The following CADM2 variants were observed in gnomAD, a reference collection of about 807,000 sequenced individuals.
The protein encoded by CADM2 is cell adhesion molecule 2.
A neutral mutation model predicts 49.8 loss-of-function variants in CADM2; 12 were observed. The ratio of observed to expected loss-of-function variants is 0.24; its 90% confidence interval spans 0.15 to 0.39. CADM2 has a LOEUF of 0.39. CADM2 is among the 10% of genes least tolerant of loss of function. The probability of loss-of-function intolerance (pLI) is 1.00; values close to 1 mark genes in which losing one functional copy is unlikely to be tolerated. For missense variants in CADM2, 378 were observed against 492.3 expected, an observed-to-expected ratio of 0.77 and a Z score of 2.20; for synonymous variants, 214 against 175.4, an observed-to-expected ratio of 1.22 and a Z score of -1.74.
chr3:85,593,611 A>G (rs972336073), intron 1 of CADM2, among the ~76,000 whole-genome samples: 5 of 152,040 alleles, frequency 3.3e-5, no homozygotes, highest in African/African-American at 1.2e-4. Context: ...AATAAAAAGA[A>G]ACACATAAGA....
chr3:85,780,914 G>C (rs952880093), intron 2 of CADM2, among the ~76,000 whole-genome samples: 2 of 152,086 alleles, frequency 1.3e-5, no homozygotes, highest in Non-Finnish European at 1.5e-5. Flanking sequence ...TAAAGCAAGA[G>C]GGAATTGGAA....
chr3:85,267,590 A>G (rs1348570060), intron 1 of CADM2, among the ~76,000 whole-genome samples: 6 of 151,690 alleles, frequency 4.0e-5, no homozygotes, highest in African/African-American at 1.4e-4. Context: ...TTCACAAAAT[A>G]GAAAGTAAGT....
intron 3 of CADM2, among the ~76,000 whole-genome samples, chr3:85,822,092 T>C (rs982966653): frequency 1.3e-5 from 2 of 152,192 alleles, no homozygotes; most frequent in African/African-American, 4.8e-5. Context: ...ACATGCTTGG[T>C]TGTGGCTTAT....
At chr3:84,993,666 A>G (rs531043397) in intron 1 of CADM2, among the ~76,000 whole-genome samples, 4 of 152,146 alleles carry the variant, frequency 2.6e-5, no homozygotes, top group Non-Finnish European at 5.9e-5. Flanking sequence ...GCAGAAACAC[A>G]CTGACTGATA....
chr3:85,463,649 T>C (rs2038356506), intron 1 of CADM2, among the ~76,000 whole-genome samples: 1 of 152,174 alleles, frequency 6.6e-6, no homozygotes, highest in Non-Finnish European at 1.5e-5. Flanking sequence ...TGTTCAACCC[T>C]GAAGGCTGAA....
chr3:85,996,443 G>T (rs1446246217), intron 8 of CADM2, among the ~76,000 whole-genome samples: 2 of 151,550 alleles, frequency 1.3e-5, no homozygotes, highest in African/African-American at 2.4e-5. Flanking sequence ...GACTACAGGC[G>T]CATGCTACCT....
chr3:85,453,905 C>T (rs1300194686), intron 1 of CADM2, among the ~76,000 whole-genome samples: 1 of 151,920 alleles, frequency 6.6e-6, no homozygotes, highest in Non-Finnish European at 1.5e-5. Context: ...TTAGGTAGTA[C>T]AGTCATAAAA....
At chr3:85,844,481 G>A (rs943605720) in intron 3 of CADM2, among the ~76,000 whole-genome samples, 29 of 152,022 alleles carry the variant, frequency 1.9e-4, no homozygotes, top group African/African-American at 7.0e-4. Context: ...CCCCTAAAAT[G>A]AAGAAAGAAA....
intron 1 of CADM2, among the ~76,000 whole-genome samples, chr3:85,347,588 C>CATAT (rs201380935): frequency 1.1e-4 from 16 of 139,250 alleles, no homozygotes; most frequent in South Asian, 4.3e-4. Context: ...TACATATATA[C>CATAT]ATATATATAC....
chr3:85,568,469 C>CTT (rs374134738), intron 1 of CADM2, among the ~76,000 whole-genome samples: 1,205 of 10,670 alleles, frequency 0.11, 94 homozygotes, highest in African/African-American at 0.14. Flanking sequence ...CTTTCTCTTT[C>CTT]TCTCTCTTTC....
At chr3:85,150,406 A>C (rs945200884) in intron 1 of CADM2, among the ~76,000 whole-genome samples, 1 of 152,182 alleles carries the variant, frequency 6.6e-6, no homozygotes, top group African/African-American at 2.4e-5. Flanking sequence ...TACATTTAAA[A>C]TTTATGTATT....
chr3:84,978,991 C>T (rs1164982916), intron 1 of CADM2, among the ~76,000 whole-genome samples: 1 of 152,010 alleles, frequency 6.6e-6, no homozygotes, highest in African/African-American at 2.4e-5. Context: ...TGTGGCTGTG[C>T]CATTGGCTCC....
In CADM2 at chr3:85,509,995, C is replaced by T. The variant is rs570385804; in HGVS notation, c.62-216527C>T. Reference sequence around the variant, plus strand: ...TATGCCCTCTCACAAGAATCTAGGACAGTCTACAAGTAATAAACAAAAAAA... The same window carrying T: ...TATGCCCTCTCACAAGAATCTAGGATAGTCTACAAGTAATAAACAAAAAAA... On this transcript the variant is annotated intron_variant, in intron 1 of 9. Coordinates refer to ENST00000383699, the MANE Select transcript of CADM2 (RefSeq NM_001167675.2). Among the ~76,000 whole-genome samples the T allele has an allele frequency of 1.1e-4, 16 of 151,940 alleles. No homozygotes were observed. In the South Asian group the frequency reaches 3.3e-3, roughly 32 times the overall value.
chr3:85,633,550 T>A lies in CADM2; in HGVS notation c.62-92972T>A, dbSNP rs556526832. Among the ~76,000 whole-genome samples the A allele has an allele frequency of 2.0e-5, 3 of 152,198 alleles. No individual in the cohort carries two copies. In the South Asian group the frequency reaches 6.2e-4, roughly 31 times the overall value. On this transcript the variant is annotated intron_variant, in intron 1 of 9. Transcript: ENST00000383699. ...CCCTCACAAACCAATTAGATCTGAATTTTTAAAGGTAGGACAAGGGCATCA... is the reference window on the plus strand; with the variant it reads ...CCCTCACAAACCAATTAGATCTGAAATTTTAAAGGTAGGACAAGGGCATCA...
intron 1 of CADM2, among the ~76,000 whole-genome samples, chr3:84,978,691 A>G (rs982747601): frequency 2.6e-5 from 4 of 152,212 alleles, no homozygotes; most frequent in Non-Finnish European, 4.4e-5. Flanking sequence ...TTATTGCTTA[A>G]CATTGCTAGG....
intron 1 of CADM2, among the ~76,000 whole-genome samples, chr3:85,321,702 T>C (rs72903214): frequency 0.073 from 11,073 of 152,150 alleles, 736 homozygotes; most frequent in African/African-American, 0.18. Flanking sequence ...ATACTACATA[T>C]GTGTCTTTGA....
intron 1 of CADM2, among the ~76,000 whole-genome samples, chr3:85,231,884 G>T (rs748143407): frequency 1.3e-5 from 2 of 151,212 alleles, no homozygotes; most frequent in African/African-American, 4.9e-5. Context: ...ACTAATTTTT[G>T]TATTTTTTTT....
chr3:85,004,713 G>C (rs2033641827), intron 1 of CADM2, among the ~76,000 whole-genome samples: 1 of 152,134 alleles, frequency 6.6e-6, no homozygotes, highest in Admixed American at 6.6e-5. Flanking sequence ...AAGAATTTCA[G>C]GTAGTCAGCT....
chr3:86,054,233 G>A (rs1737657939), intron 8 of CADM2, among the ~76,000 whole-genome samples: 2 of 151,888 alleles, frequency 1.3e-5, no homozygotes, highest in South Asian at 2.1e-4. Context: ...ATTCATTATT[G>A]TAACTGAGAA....
Sources: allele counts gnomAD v4.1 joint callset (sites outside exome capture counted in the v4.1 genomes callset), GRCh38; gene constraint gnomAD v4.1.1; transcripts MANE v1.5; gene names NCBI Gene and HGNC (gene_info 2026-07-23, HGNC 2026-07-21).